Variants in SHPRH observed in about 807,000 individuals in gnomAD.
SHPRH encodes E3 ubiquitin-protein ligase SHPRH.
A neutral mutation model predicts 202.5 loss-of-function variants in SHPRH; 106 were observed. The observed-to-expected ratio is 0.52, with a 90% CI of 0.45 to 0.62. The LOEUF (loss-of-function observed/expected upper bound fraction) is 0.62, where lower values mean the gene tolerates loss of function less well. SHPRH is among the 20% of genes least tolerant of loss of function. SHPRH has a pLI of 0.00. For synonymous variants in SHPRH, 729 were observed against 686.0 expected, an observed-to-expected ratio of 1.06 and a Z score of -0.98; for missense variants, 1,710 against 2,020.0, an observed-to-expected ratio of 0.85 and a Z score of 2.94.
chr6:145,934,923 A>G lies in SHPRH; in HGVS notation c.2974T>C (p.Leu992=). 1 of 1,603,360 alleles carries G rather than the reference A, an allele frequency of 6.2e-7. No individual in the cohort carries two copies. Among genetic ancestry groups the G allele is most frequent in the Non-Finnish European group, 8.5e-7 (1 of 1,171,652 alleles). ...CHPQAVRGEF[L]PLQKSTMTME... is the part of the protein sequence containing the mutation. The stretch of plus-strand genomic sequence containing the variant: ...TAATAAAACCTTTTTTGGAGTGGCA[A>G]GAACTCTCCACGAACAGCCTGTGGG... The change falls in exon 13 of 30, where the codon TTG becomes CTG. Residue 992 remains leucine, a synonymous_variant. Coordinates refer to ENST00000275233, the MANE Select transcript of SHPRH (RefSeq NM_001042683.3).
At chr6:145,904,730 A>G (rs1353971544) in intron 25 of SHPRH, 1 of 152,130 alleles carries the variant, frequency 6.6e-6, no homozygotes, top group Non-Finnish European at 1.5e-5. Flanking sequence ...CAATGGTACA[A>G]TAGTCTTATG....
At chr6:145,910,664 T>A (rs1287458714) in intron 24 of SHPRH, 28 bp from the exon 25 acceptor site, 5 of 1,525,656 alleles carry the variant, frequency 3.3e-6, no homozygotes, top group African/African-American at 1.4e-5. Flanking sequence ...CAAGCCTTAG[T>A]GCTATCAAAG....
At chr6:145,901,141 G>C (rs1782469721) in intron 25 of SHPRH, among the ~76,000 whole-genome samples, 1 of 151,980 alleles carries the variant, frequency 6.6e-6, no homozygotes, top group East Asian at 1.9e-4. Flanking sequence ...ATGAGGAACT[G>C]GATATACAAA....
At chr6:145,861,786 T>G (rs1484438478), downstream of SHPRH, among the ~76,000 whole-genome samples, 1 of 152,154 alleles carries the variant, frequency 6.6e-6, no homozygotes. Context: ...GATGTAAATG[T>G]AGACACACAC....
chr6:145,922,959 T>TA, intron 18 of SHPRH, 123 bp from the exon 19 acceptor site: 1 of 1,134,504 alleles, frequency 8.8e-7, no homozygotes, highest in African/African-American at 1.6e-5. Flanking sequence ...TTTTTTTTTT[T>TA]AACAGCAACA....
In SHPRH at chr6:145,913,376, T is replaced by C. The variant is rs1015995254; in HGVS notation, c.4326+102A>G. On this transcript the variant is annotated intron_variant, in intron 24 of 29. Coordinates refer to ENST00000275233, the MANE Select transcript of SHPRH (RefSeq NM_001042683.3). Reference sequence around the variant, plus strand: ...AGATAATGGTAATACTTGCCTTTCATAGAAACTAGTGGTGAGAAAAACGAG... The same window carrying C: ...AGATAATGGTAATACTTGCCTTTCACAGAAACTAGTGGTGAGAAAAACGAG... The C allele has an allele frequency of 5.7e-6, 6 of 1,055,448 alleles. No homozygotes were observed. The East Asian group carries it at 1.0e-4, about 18-fold the overall frequency. 65.4% of individuals were successfully genotyped at this position (1,055,448 alleles called of 1,614,324 possible).
chr6:145,919,382 T>C lies in SHPRH; in HGVS notation c.4118A>G (p.Asn1373Ser). The stretch of plus-strand genomic sequence containing the variant: ...TTCAATGATATGAAGAACAGGCGGA[T>C]TAGGCTTTGGCTCCCTAGGATCACG... ...RVRDPREPKP[N>S]PPVLHIIEPH... is the part of the protein sequence containing the mutation. Residue 1373 changes from asparagine (N) to serine (S), a missense_variant, in exon 22 of 30, where the codon AAT becomes AGT. Transcript: ENST00000275233. 2 of 1,613,222 alleles carry C rather than the reference T, an allele frequency of 1.2e-6. No individual in the cohort carries two copies. The highest frequency in any genetic ancestry group is 1.7e-6 in the Non-Finnish European group (2 of 1,179,408).
At chr6:145,921,487 T>C (rs1046205489) in intron 20 of SHPRH, 95 bp from the exon 21 acceptor site, 26 of 1,266,608 alleles carry the variant, frequency 2.1e-5, no homozygotes, top group Non-Finnish European at 2.6e-5. Flanking sequence ...TTGCAAGTCT[T>C]TGGAAAAACC....
chr6:145,880,757 A>G (rs998085549), downstream of SHPRH, among the ~76,000 whole-genome samples: 40 of 151,868 alleles, frequency 2.6e-4, no homozygotes, highest in African/African-American at 8.7e-4. Flanking sequence ...ACAAAATATA[A>G]TAAGTTAATG....
intron 1 of SHPRH, among the ~76,000 whole-genome samples, chr6:145,956,471 C>T (rs967805842): frequency 2.0e-5 from 3 of 151,948 alleles, no homozygotes; most frequent in African/African-American, 7.3e-5. Flanking sequence ...AGCAAAATAT[C>T]TTTCAAAAAT....
At chr6:145,872,085 T>C (rs1394944307) in intron 2 of SHPRH, among the ~76,000 whole-genome samples, 3 of 152,016 alleles carry the variant, frequency 2.0e-5, no homozygotes, top group Non-Finnish European at 4.4e-5. Context: ...CCCCAAACTA[T>C]AAAAACACTA....
At chr6:145,889,564 T>C (rs1164104095) in intron 28 of SHPRH, among the ~76,000 whole-genome samples, 1 of 152,166 alleles carries the variant, frequency 6.6e-6, no homozygotes, top group African/African-American at 2.4e-5. Flanking sequence ...AAAAACGTTG[T>C]TTTGTGCACA....
intron 28 of SHPRH, among the ~76,000 whole-genome samples, chr6:145,890,687 T>G (rs1781497937): frequency 6.6e-6 from 1 of 152,170 alleles, no homozygotes; most frequent in Non-Finnish European, 1.5e-5. Flanking sequence ...GTCTCGTGAC[T>G]TAATGGACTT....
downstream of SHPRH, among the ~76,000 whole-genome samples, chr6:145,880,120 A>G (rs965206270): frequency 7.2e-5 from 11 of 152,168 alleles, no homozygotes; most frequent in Non-Finnish European, 1.3e-4. Context: ...TGAAAACAGA[A>G]CATTTACTGT....
At chr6:145,931,975 A>G (rs746316070) in intron 14 of SHPRH, among the ~76,000 whole-genome samples, 28 of 151,972 alleles carry the variant, frequency 1.8e-4, no homozygotes, top group Admixed American at 3.9e-4. Context: ...GGCTCTTTTC[A>G]AAATTTTCAG....
At chr6:145,963,089 A>G (rs1422806700) in intron 1 of SHPRH, among the ~76,000 whole-genome samples, 2 of 152,222 alleles carry the variant, frequency 1.3e-5, no homozygotes, top group South Asian at 2.1e-4. Context: ...TTTATTCTCA[A>G]TTGCCAGCTT....
In SHPRH at chr6:145,935,006, C is replaced by G. The variant is rs1785915475; in HGVS notation, c.2891G>C (p.Arg964Thr). 1 of 1,613,948 alleles carries G rather than the reference C, an allele frequency of 6.2e-7. No individual in the cohort carries two copies. The highest frequency in any genetic ancestry group is 8.5e-7 in the Non-Finnish European group (1 of 1,180,014). ...ATACAGGATAGAGGTGACAGTCCTTCTGTCTAGGCTGCTGAGCTTCAGAGC... is the reference window on the plus strand; with the variant it reads ...ATACAGGATAGAGGTGACAGTCCTTGTGTCTAGGCTGCTGAGCTTCAGAGC... ...DWALKLSSLD[R>T]RTVTSILYPL... Residue 964 changes from arginine (R) to threonine (T), a missense_variant, in exon 13 of 30, where the codon AGA (arginine) becomes ACA (threonine). By Grantham distance (71) the Arg-to-Thr change is moderately conservative. Around this residue, in one of 8 missense-constraint regions of SHPRH, gnomAD observed 277 missense variants for 363.0 expected, o/e 0.76. Coordinates refer to ENST00000275233, the MANE Select transcript of SHPRH (RefSeq NM_001042683.3).
chr6:145,919,605 A>T, intron 21 of SHPRH, 114 bp from the exon 22 acceptor site: 2 of 1,276,504 alleles, frequency 1.6e-6, no homozygotes, highest in Non-Finnish European at 2.1e-6. Flanking sequence ...CTTTTTCGCT[A>T]TGTGTCTAAC....
chr6:145,913,660 A>T, intron 23 of SHPRH, 111 bp from the exon 24 acceptor site: 1 of 762,534 alleles, frequency 1.3e-6, no homozygotes, highest in Non-Finnish European at 2.1e-6. Context: ...CAATTTACAT[A>T]ATCTAACAAT....
Sources: gnomAD v4.1 joint callset for allele counts (sites outside exome capture counted in the v4.1 genomes callset) on GRCh38, gnomAD v4.1.1 for gene constraint, gnomAD v4.1.1 regional missense constraint, MANE v1.5 for transcripts, NCBI Gene and HGNC (gene_info 2026-07-23, HGNC 2026-07-21) for gene names.